The following NRG3 variants were observed in gnomAD, a reference collection of about 807,000 sequenced individuals.
NRG3 encodes pro-neuregulin-3, membrane-bound isoform.
NRG3 carries 31 observed loss-of-function variants against 66.9 expected under a neutral mutation model. That is an observed-to-expected ratio of 0.46 (90% CI 0.35 to 0.63). The LOEUF is 0.63. Ranked by LOEUF, NRG3 falls within the 20% of genes least tolerant of loss-of-function variation. The pLI, the probability that NRG3 is intolerant of heterozygous loss-of-function variation, is 0.00. For synonymous variants in NRG3, 393 were observed against 359.4 expected (o/e 1.09, Z -1.06); for missense variants, 910 against 878.9 (o/e 1.04, Z -0.45).
intron 3 of NRG3, among the ~76,000 whole-genome samples, chr10:82,780,894 A>G (rs1020420106): frequency 2.0e-5 from 3 of 152,086 alleles, no homozygotes; most frequent in African/African-American, 4.8e-5. Flanking sequence ...TTCAGGCATC[A>G]TGGGTTGCTC....
At chr10:82,162,499 G>T (rs2071677325) in intron 1 of NRG3, among the ~76,000 whole-genome samples, 1 of 152,056 alleles carries the variant, frequency 6.6e-6, no homozygotes, top group African/African-American at 2.4e-5. Flanking sequence ...TTTTAACATT[G>T]TCATCATCTC....
intron 1 of NRG3, among the ~76,000 whole-genome samples, chr10:81,978,424 A>G (rs1378388326): frequency 6.6e-6 from 1 of 152,196 alleles, no homozygotes; most frequent in Non-Finnish European, 1.5e-5. Flanking sequence ...AACTTTCAGG[A>G]CCTTGGACAG....
At chr10:82,181,180 T>TTA (rs2073392782) in intron 1 of NRG3, among the ~76,000 whole-genome samples, 1 of 151,758 alleles carries the variant, frequency 6.6e-6, no homozygotes, top group Non-Finnish European at 1.5e-5. Flanking sequence ...TTTATCAAGT[T>TTA]TATCTATCTT....
At chr10:82,284,273 G>C (rs1450370275) in intron 1 of NRG3, among the ~76,000 whole-genome samples, 3 of 152,184 alleles carry the variant, frequency 2.0e-5, no homozygotes, top group Non-Finnish European at 4.4e-5. Flanking sequence ...TTCCCACTTT[G>C]ATTTCATACC....
intron 4 of NRG3, among the ~76,000 whole-genome samples, chr10:82,872,404 CA>C (rs1841420835): frequency 6.6e-6 from 1 of 152,096 alleles, no homozygotes; most frequent in African/African-American, 2.4e-5. Context: ...ATCTGAAGCA[CA>C]CGTCTTCTTC....
chr10:82,421,157 A>C (rs906137142), intron 2 of NRG3, among the ~76,000 whole-genome samples: 2 of 152,120 alleles, frequency 1.3e-5, no homozygotes, highest in Non-Finnish European at 1.5e-5. Context: ...CTATGAGTGA[A>C]CCTTCACTAG....
intron 2 of NRG3, among the ~76,000 whole-genome samples, chr10:82,411,374 A>C (rs949692090): frequency 2.0e-5 from 3 of 152,192 alleles, no homozygotes; most frequent in Non-Finnish European, 2.9e-5. Context: ...CCTTAATTCA[A>C]AACAAGCTCT....
chr10:82,688,334 C>T (rs2054668389), intron 2 of NRG3, among the ~76,000 whole-genome samples: 1 of 152,124 alleles, frequency 6.6e-6, no homozygotes, highest in Non-Finnish European at 1.5e-5. Context: ...TCTCATATGC[C>T]TGATAGATGG....
intron 3 of NRG3, among the ~76,000 whole-genome samples, chr10:82,836,806 A>C (rs1048745555): frequency 5.3e-5 from 8 of 151,774 alleles, no homozygotes; most frequent in African/African-American, 1.9e-4. Context: ...ATATGTATAC[A>C]TGTGCCACAT....
intron 3 of NRG3, among the ~76,000 whole-genome samples, chr10:82,770,486 A>G (rs1337114520): frequency 1.3e-5 from 2 of 152,118 alleles, no homozygotes; most frequent in Non-Finnish European, 2.9e-5. Context: ...ACACAAACGG[A>G]CATCCTAGTT....
intron 1 of NRG3, among the ~76,000 whole-genome samples, chr10:82,279,031 A>C (rs1295946935): frequency 3.3e-5 from 5 of 152,084 alleles, no homozygotes; most frequent in African/African-American, 9.7e-5. Flanking sequence ...TTGCTTCCTC[A>C]TGGGACTGTG....
intron 1 of NRG3, among the ~76,000 whole-genome samples, chr10:82,119,719 A>T (rs2067963974): frequency 6.6e-6 from 1 of 152,160 alleles, no homozygotes; most frequent in South Asian, 2.1e-4. Context: ...ATATACAGGG[A>T]GGCTTCTTTA....
In NRG3 at chr10:82,396,554, A is replaced by C. The variant is rs929761428; in HGVS notation, c.953+37686A>C. On this transcript the variant is annotated intron_variant, in intron 2 of 8. Transcript: ENST00000372141. The stretch of plus-strand genomic sequence containing the variant: ...TTGCCGTCTACTCATGAACAAATAT[A>C]TGCACAGCAACCAATCGCTGACTGA... Among the ~76,000 whole-genome samples, 15 of 152,328 alleles carry C rather than the reference A, an allele frequency of 9.8e-5. No individual in the cohort carries two copies. The South Asian group carries it at 2.7e-3, about 27-fold the overall frequency.
chr10:82,516,982 C>G (rs1429658803), intron 2 of NRG3, among the ~76,000 whole-genome samples: 2 of 152,086 alleles, frequency 1.3e-5, no homozygotes, highest in East Asian at 3.9e-4. Context: ...AAACAATGCT[C>G]TTTCGTAGTC....
At position 82,979,076 on chromosome 10, in the gene NRG3, C is replaced by T. The variant is rs769203767; in HGVS notation, c.1539C>T (p.Leu513=). ...GGIVGPAYQQ[L]EESRIPDQDT... ...TTGTGGGACCAGCATATCAGCAACT[C>T]GAAGAATCAAGGATCCCAGACCAGG... The change falls in exon 8 of 9, where the codon CTC becomes CTT. Residue 513 remains leucine, a synonymous_variant. Transcript: ENST00000372141. The T allele has an allele frequency of 4.3e-6, 7 of 1,614,042 alleles. No homozygotes were observed. The highest frequency in any genetic ancestry group is 1.7e-5 in the Admixed American group (1 of 60,016).
rs2078283894 is a variant in NRG3 at position 82,266,187 on chromosome 10, G to A, written c.824-92552G>A. The stretch of plus-strand genomic sequence containing the variant: ...ATCTGGAACACTTGTGTTCCCTGCC[G>A]GGATTGATAAAATACAGGGTCTAAT... On this transcript the variant is annotated intron_variant, in intron 1 of 8. Coordinates refer to ENST00000372141, the MANE Select transcript of NRG3 (RefSeq NM_001010848.4). 2.6e-5 allele frequency among the ~76,000 whole-genome samples: 4 copies of A among 152,200 alleles called. No individual in the cohort carries two copies. In the South Asian group the frequency reaches 8.3e-4, roughly 32 times the overall value.
chr10:82,126,676 A>G (rs1037391489), intron 1 of NRG3, among the ~76,000 whole-genome samples: 1 of 152,048 alleles, frequency 6.6e-6, no homozygotes, highest in African/African-American at 2.4e-5. Context: ...TAACCTCTCT[A>G]CACATTCATG....
chr10:82,346,751 T>C (rs1004427407), intron 1 of NRG3, among the ~76,000 whole-genome samples: 3 of 152,002 alleles, frequency 2.0e-5, no homozygotes, highest in African/African-American at 7.3e-5. Context: ...GATCCTGTTA[T>C]TGGTCTATTC....
At chr10:82,579,237 T>A (rs1281316158) in intron 2 of NRG3, among the ~76,000 whole-genome samples, 1 of 149,762 alleles carries the variant, frequency 6.7e-6, no homozygotes, top group Non-Finnish European at 1.5e-5. Context: ...ACTGCAAGAT[T>A]TTTTTTTTCT....
Sources: gnomAD v4.1 joint callset for allele counts (sites outside exome capture counted in the v4.1 genomes callset) on GRCh38, gnomAD v4.1.1 for gene constraint, MANE v1.5 for transcripts, NCBI Gene and HGNC (gene_info 2026-07-23, HGNC 2026-07-21) for gene names.